The following GPM6A variants were observed in gnomAD, a reference collection of about 807,000 sequenced individuals.
GPM6A encodes the protein glycoprotein M6A.
A neutral mutation model predicts 32.1 loss-of-function variants in GPM6A; 7 were observed. That is an observed-to-expected ratio of 0.22 (90% CI 0.12 to 0.41). The LOEUF (loss-of-function observed/expected upper bound fraction) is 0.41, where lower values mean the gene tolerates loss of function less well. Ranked by LOEUF, GPM6A falls within the 10% of genes least tolerant of loss-of-function variation. The pLI, the probability that GPM6A is intolerant of heterozygous loss-of-function variation, is 1.00. For synonymous variants in GPM6A, 130 were observed against 123.4 expected, an observed-to-expected ratio of 1.05 and a Z score of -0.35; for missense variants, 235 against 347.2, an observed-to-expected ratio of 0.68 and a Z score of 2.57.
rs562757524 is a variant in GPM6A at position 175,693,289 on chromosome 4, C to A, written c.230+8286G>T. Among the ~76,000 whole-genome samples the A allele has an allele frequency of 1.1e-4, 16 of 147,714 alleles. No homozygotes were observed. The East Asian group carries it at 1.8e-3, about 16-fold the overall frequency. ...ATATACACATATGCATACATATATA[C>A]ATATATATATAAAATATACATATAT... On this transcript the variant is annotated intron_variant, in intron 2 of 6. Transcript: ENST00000393658.
intron 2 of GPM6A, among the ~76,000 whole-genome samples, chr4:175,676,428 T>C (rs886649029): frequency 1.4e-4 from 21 of 152,164 alleles, no homozygotes; most frequent in African/African-American, 4.8e-4. Context: ...TATCTTCCAC[T>C]AGAACGATAT....
rs776439674 is a variant in GPM6A at position 175,812,259 on chromosome 4, G to T, written c.-32C>A. On this transcript the variant is annotated 5_prime_UTR_variant, in exon 1 of 7. Coordinates refer to ENST00000393658, the MANE Select transcript of GPM6A (RefSeq NM_201591.3). Reference sequence around the variant, plus strand: ...CTTTCTTCAGTAGAATCTGGTACACGGAATTAATCAAAAGCTCAATTAGAT... The same window carrying T: ...CTTTCTTCAGTAGAATCTGGTACACTGAATTAATCAAAAGCTCAATTAGAT... 8 of 1,369,750 alleles carry T rather than the reference G, an allele frequency of 5.8e-6. No individual in the cohort carries two copies. The East Asian group carries it at 2.5e-4, about 43-fold the overall frequency. The allele number at this position is 1,369,750 out of a possible 1,614,324, so 84.8% of individuals were successfully genotyped here.
At chr4:175,747,269 CAAAAAAAAAAAAAA>C (rs5864346) in intron 1 of GPM6A, among the ~76,000 whole-genome samples, 2 of 109,518 alleles carry the variant, frequency 1.8e-5, no homozygotes, top group African/African-American at 7.4e-5. Flanking sequence ...ACTCCATCTC[CAAAAAAAAAAAAAA>C]AAAAAAAAGA....
chr4:175,750,938 T>C (rs540019134), intron 1 of GPM6A, among the ~76,000 whole-genome samples: 8 of 152,274 alleles, frequency 5.3e-5, no homozygotes, highest in Admixed American at 1.3e-4. Flanking sequence ...AAGCAAAATA[T>C]CATTATAATT....
At chr4:175,881,636 CAT>C (rs1319276427) in intron 1 of GPM6A, among the ~76,000 whole-genome samples, 9 of 152,260 alleles carry the variant, frequency 5.9e-5, no homozygotes, top group Non-Finnish European at 1.3e-4. Flanking sequence ...AAATGTGGCA[CAT>C]ATACACCATG....
intron 4 of GPM6A, chr4:175,641,887 C>A (rs895451278): frequency 2.0e-5 from 3 of 152,090 alleles, no homozygotes; most frequent in Non-Finnish European, 1.5e-5. Flanking sequence ...ACGAGTTTCA[C>A]CATGTTCACC....
rs370782519 is a variant in GPM6A at position 175,662,950 on chromosome 4, T to A, written c.387+10730A>T. Among the ~76,000 whole-genome samples the A allele has an allele frequency of 5.3e-5, 8 of 152,240 alleles. No homozygotes were observed. In the South Asian group the frequency reaches 8.3e-4, roughly 16 times the overall value. ...GGTAGTGAAATAACTATATATAAAATCATTAAGTAATAAGAACATAAGTGA... is the reference window on the plus strand; with the variant it reads ...GGTAGTGAAATAACTATATATAAAAACATTAAGTAATAAGAACATAAGTGA... On this transcript the variant is annotated intron_variant, in intron 3 of 6. Coordinates refer to ENST00000393658, the MANE Select transcript of GPM6A (RefSeq NM_201591.3).
chr4:175,995,068 C>T (rs1741261518), intron 1 of GPM6A, among the ~76,000 whole-genome samples: 1 of 152,158 alleles, frequency 6.6e-6, no homozygotes, highest in Non-Finnish European at 1.5e-5. Flanking sequence ...AATTCTAGTT[C>T]TCTTGCTATT....
intron 1 of GPM6A, among the ~76,000 whole-genome samples, chr4:175,930,957 C>A (rs992200373): frequency 6.6e-6 from 1 of 151,990 alleles, no homozygotes; most frequent in Non-Finnish European, 1.5e-5. Context: ...TTAGGATTTG[C>A]TAAGAAGATG....
chr4:175,886,584 C>T (rs1156292491), intron 1 of GPM6A, among the ~76,000 whole-genome samples: 1 of 151,978 alleles, frequency 6.6e-6, no homozygotes, highest in East Asian at 1.9e-4. Flanking sequence ...GACTGCGTCA[C>T]ATCATTTGTG....
intron 1 of GPM6A, among the ~76,000 whole-genome samples, chr4:175,862,065 C>G (rs1206905092): frequency 6.6e-6 from 1 of 152,190 alleles, no homozygotes; most frequent in Non-Finnish European, 1.5e-5. Flanking sequence ...ATTTTTAAGT[C>G]TTCCTATCCA....
At chr4:175,706,196 G>T (rs1258645835) in intron 1 of GPM6A, among the ~76,000 whole-genome samples, 1 of 151,258 alleles carries the variant, frequency 6.6e-6, no homozygotes, top group Non-Finnish European at 1.5e-5. Context: ...GAAAATAGAA[G>T]AAATAGAAAA....
At chr4:175,677,798 C>A (rs1202919986) in intron 2 of GPM6A, among the ~76,000 whole-genome samples, 1 of 151,932 alleles carries the variant, frequency 6.6e-6, no homozygotes, top group Non-Finnish European at 1.5e-5. Context: ...AAGCAAGAGC[C>A]TATATTAAAG....
At chr4:175,883,474 A>C (rs1232312591) in intron 1 of GPM6A, among the ~76,000 whole-genome samples, 2 of 152,136 alleles carry the variant, frequency 1.3e-5, no homozygotes, top group African/African-American at 4.8e-5. Flanking sequence ...AAAATCCAGT[A>C]AGCATTTTAT....
At chr4:175,699,080 G>A (rs1266753929) in intron 2 of GPM6A, among the ~76,000 whole-genome samples, 1 of 152,160 alleles carries the variant, frequency 6.6e-6, no homozygotes. Context: ...TTTACATAGA[G>A]AGAATCTGTA....
At chr4:175,785,499 C>G (rs1733764937) in intron 1 of GPM6A, among the ~76,000 whole-genome samples, 1 of 152,260 alleles carries the variant, frequency 6.6e-6, no homozygotes, top group South Asian at 2.1e-4. Flanking sequence ...AATTAGTAAC[C>G]ACATTATATT....
At chr4:175,868,914 T>C (rs1006829571) in intron 1 of GPM6A, among the ~76,000 whole-genome samples, 3 of 152,240 alleles carry the variant, frequency 2.0e-5, no homozygotes, top group Non-Finnish European at 4.4e-5. Flanking sequence ...CTTGTGCTAT[T>C]GATGACTTAC....
At chr4:175,909,049 G>GGA (rs1554000503) in intron 1 of GPM6A, among the ~76,000 whole-genome samples, 1 of 81,794 alleles carries the variant, frequency 1.2e-5, no homozygotes, top group Non-Finnish European at 2.3e-5. Context: ...GGGCGGGGGG[G>GGA]GGGCAACTAG....
At chr4:175,702,601 G>A (rs978652154) in intron 1 of GPM6A, among the ~76,000 whole-genome samples, 7 of 152,098 alleles carry the variant, frequency 4.6e-5, no homozygotes, top group African/African-American at 1.4e-4. Flanking sequence ...TGCAATCTCT[G>A]CCTCCCGAGT....
Sources: gnomAD v4.1 joint callset for allele counts (sites outside exome capture counted in the v4.1 genomes callset) on GRCh38, gnomAD v4.1.1 for gene constraint, MANE v1.5 for transcripts, NCBI Gene and HGNC (gene_info 2026-07-23, HGNC 2026-07-21) for gene names.